The following APH1B variants were observed in gnomAD, a reference collection of about 807,000 sequenced individuals.
APH1B encodes the protein gamma-secretase subunit APH-1B.
Under a neutral mutation model 28.2 loss-of-function variants are expected in APH1B, and 27 were observed. The observed-to-expected ratio is 0.96, with a 90% CI of 0.70 to 1.32. The LOEUF (loss-of-function observed/expected upper bound fraction) is 1.32. Ranked by LOEUF, APH1B falls within the 40% of genes most tolerant of loss-of-function variation. The pLI is 0.00. For missense variants in APH1B, 305 were observed against 313.6 expected (o/e 0.97, Z 0.21); for synonymous variants, 141 against 124.6 (o/e 1.13, Z -0.88).
chr15:63,288,931 TAC>T (rs1202548453), intron 4 of APH1B, among the ~76,000 whole-genome samples: 3 of 152,362 alleles, frequency 2.0e-5, no homozygotes, highest in East Asian at 1.9e-4. Flanking sequence ...CTCTCCCTGC[TAC>T]AGTTTTCTTT....
intron 5 of APH1B, among the ~76,000 whole-genome samples, chr15:63,303,123 A>T (rs987661400): frequency 6.6e-6 from 1 of 152,258 alleles, no homozygotes; most frequent in African/African-American, 2.4e-5. Context: ...TTTTATTAAA[A>T]TAACACACCT....
chr15:63,278,552 G>A (rs1441718737), intron 1 of APH1B, among the ~76,000 whole-genome samples: 1 of 152,200 alleles, frequency 6.6e-6, no homozygotes, highest in Non-Finnish European at 1.5e-5. Flanking sequence ...AGAGATTTGG[G>A]AAGGGTCTGT....
intron 4 of APH1B, among the ~76,000 whole-genome samples, chr15:63,302,029 G>A (rs1315035619): frequency 1.3e-5 from 2 of 152,126 alleles, no homozygotes; most frequent in Admixed American, 1.3e-4. Flanking sequence ...CTCTTTACTC[G>A]TGCAGAAGGC....
intron 2 of APH1B, among the ~76,000 whole-genome samples, chr15:63,280,349 A>G (rs1183793508): frequency 6.6e-6 from 1 of 152,220 alleles, no homozygotes; most frequent in African/African-American, 2.4e-5. Context: ...GGCAGTCATG[A>G]AATTGGCTTT....
chr15:63,294,310 C>T (rs1262941453), intron 4 of APH1B, among the ~76,000 whole-genome samples: 1 of 152,174 alleles, frequency 6.6e-6, no homozygotes. Flanking sequence ...CCCACTATTT[C>T]CAACTTTATT....
At chr15:63,293,511 T>A (rs111556880) in intron 4 of APH1B, among the ~76,000 whole-genome samples, 1 of 151,048 alleles carries the variant, frequency 6.6e-6, no homozygotes, top group Non-Finnish European at 1.5e-5. Context: ...TTTTTTTTTT[T>A]TCTTGAGACA....
At chr15:63,296,893 G>A (rs2038574239) in intron 4 of APH1B, among the ~76,000 whole-genome samples, 1 of 151,984 alleles carries the variant, frequency 6.6e-6, no homozygotes, top group African/African-American at 2.4e-5. Context: ...CTCCTGACCT[G>A]GTGATCTTCC....
intron 3 of APH1B, chr15:63,287,067 C>G (rs2038454501): frequency 4.2e-6 from 1 of 237,906 alleles, no homozygotes; most frequent in Admixed American, 5.2e-5. Flanking sequence ...CCTTTACACT[C>G]AATTTCAGTT....
intron 5 of APH1B, among the ~76,000 whole-genome samples, chr15:63,302,726 C>T (rs746470494): frequency 2.0e-5 from 3 of 152,162 alleles, no homozygotes; most frequent in Non-Finnish European, 4.4e-5. Flanking sequence ...TAACCTAGGT[C>T]AGTTTGGAAA....
Position 63,305,762 on chromosome 15 carries a change from A to G in APH1B, c.755A>G (p.Tyr252Cys), listed in dbSNP as rs1433815128. The G allele has an allele frequency of 6.2e-7, 1 of 1,614,000 alleles. No homozygotes were observed. The highest frequency in any genetic ancestry group is 2.2e-5 in the East Asian group (1 of 44,904). ...TGCCAAGACAAGAACTTTCTTCTTTACAACCAGCGCTCCAGATAACCTCAG... is the reference window on the plus strand; with the variant it reads ...TGCCAAGACAAGAACTTTCTTCTTTGCAACCAGCGCTCCAGATAACCTCAG... The part of the protein sequence containing the change: ...LLCQDKNFLL[Y>C]NQRSR The change falls in exon 6 of 6, where the codon TAC becomes TGC. Residue 252 changes from tyrosine to cysteine, a missense_variant. Physicochemically the swap from Tyr to Cys is radical, Grantham distance 194. Coordinates refer to ENST00000261879, the MANE Select transcript of APH1B (RefSeq NM_031301.4).
chr15:63,290,975 G>A (rs949552995), intron 4 of APH1B, among the ~76,000 whole-genome samples: 1 of 152,136 alleles, frequency 6.6e-6, no homozygotes, highest in Non-Finnish European at 1.5e-5. Context: ...AGAGGGAAGA[G>A]GCCTCTTTCC....
At chr15:63,286,771 C>T (rs2152594864) in intron 3 of APH1B, 143 bp downstream of exon 3, 1 of 719,914 alleles carries the variant, frequency 1.4e-6, no homozygotes, top group African/African-American at 1.8e-5. Flanking sequence ...CTTATTATCC[C>T]CGTCTTCCAG....
chr15:63,291,810 T>C (rs982535517), intron 4 of APH1B: 1 of 152,228 alleles, frequency 6.6e-6, no homozygotes, highest in Non-Finnish European at 1.5e-5. Flanking sequence ...AGTATTTGCA[T>C]GATTGGACCT....
At chr15:63,294,419 A>G (rs1282631505) in intron 4 of APH1B, among the ~76,000 whole-genome samples, 1 of 151,732 alleles carries the variant, frequency 6.6e-6, no homozygotes, top group Non-Finnish European at 1.5e-5. Context: ...GCATTTATCA[A>G]CCTCCTCCAT....
chr15:63,307,015 A>C lies in APH1B; in HGVS notation c.*1234A>C, dbSNP rs554123920. On this transcript the variant is annotated 3_prime_UTR_variant, in exon 6 of 6. Coordinates refer to ENST00000261879, the MANE Select transcript of APH1B (RefSeq NM_031301.4). Reference sequence around the variant, plus strand: ...CCTTTATAAAGGGAAAATTCTGGCAAATCGTGCCTTTACTATTAGAAATTG... The same window carrying C: ...CCTTTATAAAGGGAAAATTCTGGCACATCGTGCCTTTACTATTAGAAATTG... 2.0e-5 allele frequency: 3 copies of C among 152,316 alleles called. No individual in the cohort carries two copies. In the East Asian group the frequency reaches 5.8e-4, roughly 29 times the overall value. The allele number at this position is 152,316 out of a possible 1,614,324, so 9.4% of individuals were successfully genotyped here.
intron 2 of APH1B, among the ~76,000 whole-genome samples, chr15:63,284,042 G>C (rs1410305301): frequency 2.0e-5 from 3 of 152,092 alleles, no homozygotes. Context: ...CTGTTAATCT[G>C]TGTGTCTGCC....
intron 4 of APH1B, among the ~76,000 whole-genome samples, chr15:63,301,950 TC>T (rs1567032708): frequency 6.6e-6 from 1 of 152,198 alleles, no homozygotes; most frequent in East Asian, 1.9e-4. Flanking sequence ...TTCAAAAGGA[TC>T]CGAGGAAAAA....
chr15:63,298,416 G>A (rs1040638933), intron 4 of APH1B, among the ~76,000 whole-genome samples: 1 of 152,116 alleles, frequency 6.6e-6, no homozygotes, highest in Non-Finnish European at 1.5e-5. Context: ...TTCTTATGTT[G>A]CCTAAGCTGG....
At chr15:63,277,829 AC>A in intron 1 of APH1B, 93 bp downstream of exon 1, 1 of 1,248,420 alleles carries the variant, frequency 8.0e-7, no homozygotes, top group Non-Finnish European at 1.1e-6. Context: ...GCGCGGCTCG[AC>A]CTTGTTGCGT....
Sources: allele counts gnomAD v4.1 joint callset (sites outside exome capture counted in the v4.1 genomes callset), GRCh38; gene constraint gnomAD v4.1.1; transcripts MANE v1.5; gene names NCBI Gene and HGNC (gene_info 2026-07-23, HGNC 2026-07-21).